The following KNTC1 variants were observed in gnomAD, a reference collection of about 807,000 sequenced individuals.
KNTC1 encodes the protein kinetochore-associated protein 1.
A neutral mutation model predicts 314.4 loss-of-function variants in KNTC1; 253 were observed. That is an observed-to-expected ratio of 0.80 (90% CI 0.73 to 0.89). KNTC1 has a LOEUF of 0.89. KNTC1 is among the 40% of genes least tolerant of loss of function. KNTC1 has a pLI of 0.00. For synonymous variants in KNTC1, 901 were observed against 901.4 expected (o/e 1.00, Z 0.01); for missense variants, 2,475 against 2,572.9 (o/e 0.96, Z 0.82).
Position 122,577,746 on chromosome 12 carries a change from A to G in KNTC1, c.2796A>G (p.Ile932Met), listed in dbSNP as rs927234865. The G allele has an allele frequency of 2.5e-6, 4 of 1,613,718 alleles. No homozygotes were observed. Among genetic ancestry groups the G allele is most frequent in the Middle Eastern group, 3.3e-4 (2 of 6,082 alleles). Residue 932 changes from isoleucine (I) to methionine (M), a missense_variant, in exon 31 of 64, where the codon ATA becomes ATG. Coordinates refer to ENST00000333479, the MANE Select transcript of KNTC1 (RefSeq NM_014708.6). ...AGAAAACTGCAGAAAGAGTCATCAT[A>G]TGGGCACGACTGGCATTACAAGAAG... ...EAEKTAERVI[I>M]WARLALQEEP...
At chr12:122,594,159 G>A (rs972998031) in intron 42 of KNTC1, 117 bp from the exon 43 acceptor site, 1 of 642,080 alleles carries the variant, frequency 1.6e-6, no homozygotes, top group African/African-American at 1.8e-5. Context: ...AGGAGCTATA[G>A]ACAAATGTTT....
chr12:122,607,025 G>A (rs1872650674), intron 51 of KNTC1, among the ~76,000 whole-genome samples: 1 of 152,162 alleles, frequency 6.6e-6, no homozygotes, highest in African/African-American at 2.4e-5. Context: ...CCAGGATCTT[G>A]TCTAGGACTA....
chr12:122,616,133 CTTTG>C lies in KNTC1; in HGVS notation c.6030+612_6030+615del, dbSNP rs201746094. 8.2e-3 allele frequency among the ~76,000 whole-genome samples: 1,255 copies of C among 152,146 alleles called. 20 individuals are homozygous for C. The highest frequency in any genetic ancestry group is 0.028 in the African/African-American group (1,177 of 41,502). On this transcript the variant is annotated intron_variant, in intron 57 of 63. Transcript: ENST00000333479. ...ATTACGCAGAAATATATAATTTATT[CTTTG>C]TTTGATAAATTAGAACAATATAGAA...
intron 16 of KNTC1, among the ~76,000 whole-genome samples, chr12:122,553,420 T>A (rs1270058365): frequency 6.6e-6 from 1 of 152,088 alleles, no homozygotes; most frequent in Admixed American, 6.6e-5. Flanking sequence ...CTCGGGAGGC[T>A]GAGGGAGGAA....
intron 38 of KNTC1, 133 bp from the exon 39 acceptor site, chr12:122,587,578 T>G: frequency 1.0e-5 from 6 of 596,792 alleles, no homozygotes; most frequent in Non-Finnish European, 1.3e-5. Context: ...AACTTCTCAT[T>G]AACTAACTGA....
At chr12:122,588,924 T>C (rs1869761902) in intron 40 of KNTC1, 108 bp downstream of exon 40, 1 of 590,672 alleles carries the variant, frequency 1.7e-6, no homozygotes, top group Admixed American at 3.9e-5. Context: ...AGTATTTTAC[T>C]ATTCAAAAAC....
intron 63 of KNTC1, among the ~76,000 whole-genome samples, chr12:122,625,437 G>C (rs1321818570): frequency 6.6e-6 from 1 of 151,516 alleles, no homozygotes; most frequent in African/African-American, 2.4e-5. Context: ...CATGGTGGTG[G>C]GAGCCTGTAA....
intron 33 of KNTC1, 110 bp from the exon 34 acceptor site, chr12:122,582,595 T>C (rs1475339374): frequency 9.7e-7 from 1 of 1,028,632 alleles, no homozygotes; most frequent in African/African-American, 1.6e-5. Context: ...CATGTACCCC[T>C]GAATCTAAAA....
At chr12:122,529,399 A>G (rs140878130) in intron 1 of KNTC1, among the ~76,000 whole-genome samples, 2 of 152,004 alleles carry the variant, frequency 1.3e-5, no homozygotes, top group East Asian at 1.9e-4. Context: ...TCCCACCCAG[A>G]CTCCAGGTAA....
rs773362150 is a variant in KNTC1, at chr12:122,597,770, C to T, written c.4395C>T (p.Phe1465=). 1.9e-6 allele frequency: 3 copies of T among 1,613,966 alleles called. No homozygotes were observed. The highest frequency in any genetic ancestry group is 2.5e-6 in the Non-Finnish European group (3 of 1,179,856). ...ACTGCGATGCAGTTCTTCAGCTCTT[C>T]ATTGAAACGCTGCTCCACAACACAA... ...QLDCDAVLQL[F]IETLLHNTNA... Residue 1465 remains phenylalanine, a synonymous_variant, in exon 44 of 64, where the codon TTC becomes TTT. Coordinates refer to ENST00000333479, the MANE Select transcript of KNTC1 (RefSeq NM_014708.6).
intron 13 of KNTC1, among the ~76,000 whole-genome samples, 171 bp from the exon 14 acceptor site, chr12:122,551,148 G>T (rs59713199): frequency 0.036 from 5,373 of 148,856 alleles, 343 homozygotes; most frequent in African/African-American, 0.13. Context: ...TTTTCCCAGT[G>T]TTTTTTTTTT....
chr12:122,563,986 T>C (rs895530518), intron 20 of KNTC1, among the ~76,000 whole-genome samples: 2 of 152,208 alleles, frequency 1.3e-5, no homozygotes, highest in Non-Finnish European at 2.9e-5. Flanking sequence ...ATGTTTTTTA[T>C]ATATTTTTTG....
chr12:122,596,079 C>CTTTTTTTTTTT (rs1200717202), intron 43 of KNTC1, among the ~76,000 whole-genome samples: 1 of 111,422 alleles, frequency 9.0e-6, no homozygotes, highest in African/African-American at 3.5e-5. Context: ...TAACCAGATT[C>CTTTTTTTTTTT]TTTTTTTTTT....
intron 60 of KNTC1, among the ~76,000 whole-genome samples, chr12:122,621,476 G>A (rs1288674610): frequency 1.3e-5 from 2 of 151,952 alleles, no homozygotes; most frequent in Non-Finnish European, 2.9e-5. Flanking sequence ...CTGACGTTAC[G>A]GGCTCCTGCC....
In KNTC1 at chr12:122,605,253, A is replaced by G. The variant is rs1376681623; in HGVS notation, c.5387-53A>G. 3 of 1,217,738 alleles carry G rather than the reference A, an allele frequency of 2.5e-6. No homozygotes were observed. In the African/African-American group the frequency reaches 4.6e-5, roughly 19 times the overall value. The allele number at this position is 1,217,738 out of a possible 1,614,324, so 75.4% of individuals were successfully genotyped here. On this transcript the variant is annotated intron_variant, in intron 50 of 63. Coordinates refer to ENST00000333479, the MANE Select transcript of KNTC1 (RefSeq NM_014708.6). Reference sequence around the variant, plus strand: ...TATACACATACACATATAAGTATTCAATATAAATATTTAAAACTTGAGTTT... The same window carrying G: ...TATACACATACACATATAAGTATTCGATATAAATATTTAAAACTTGAGTTT...
In KNTC1 at chr12:122,546,625, C is replaced by G. The variant is rs1209818822; in HGVS notation, c.767C>G (p.Ala256Gly). The G allele has an allele frequency of 7.0e-6, 11 of 1,577,002 alleles. No individual in the cohort carries two copies. Among genetic ancestry groups the G allele is most frequent in the Non-Finnish European group, 9.5e-6 (11 of 1,154,298 alleles). Residue 256 changes from alanine to glycine, a missense_variant, in exon 10 of 64, where the codon GCA (alanine) becomes GGA (glycine). By Grantham distance (60) the Ala-to-Gly change is moderately conservative. Coordinates refer to ENST00000333479, the MANE Select transcript of KNTC1 (RefSeq NM_014708.6). ...NLIDAEIIKG[A>G]KKFQLIDNLL... is the part of the protein sequence containing the mutation. ...CATCTTATTTTCTCTTTTGTAGGTGCAAAGAAGTTCCAGCTGATAGACAAT... is the reference window on the plus strand; with the variant it reads ...CATCTTATTTTCTCTTTTGTAGGTGGAAAGAAGTTCCAGCTGATAGACAAT...
At chr12:122,574,223 G>A in intron 26 of KNTC1, 59 bp from the exon 27 acceptor site, 1 of 948,108 alleles carries the variant, frequency 1.1e-6, no homozygotes, top group East Asian at 2.6e-5. Flanking sequence ...GCTGTATGTG[G>A]CATTTTTTTA....
At chr12:122,546,555 A>T in intron 9 of KNTC1, 67 bp from the exon 10 acceptor site, 1 of 1,014,444 alleles carries the variant, frequency 9.9e-7, no homozygotes, top group Non-Finnish European at 1.5e-6. Flanking sequence ...TGAATATGTT[A>T]GTTTTTTATT....
chr12:122,539,739 G>C lies in KNTC1; in HGVS notation c.430G>C (p.Asp144His). The C allele has an allele frequency of 1.3e-6, 2 of 1,566,048 alleles. No homozygotes were observed. The highest frequency in any genetic ancestry group is 1.7e-6 in the Non-Finnish European group (2 of 1,155,470). The change falls in exon 5 of 64, where the codon GAT (aspartate) becomes CAT (histidine). Residue 144 changes from aspartate to histidine, a missense_variant. By Grantham distance (81) the Asp-to-His change is moderately conservative. Coordinates refer to ENST00000333479, the MANE Select transcript of KNTC1 (RefSeq NM_014708.6). ...TTACCAGAATCTTGTCATTGAGAAG[G>C]ATGGTTCAAATGAAGGTAAGTTTTC... ...RTYQNLVIEK[D>H]GSNEGTYYML...
Sources: allele counts gnomAD v4.1 joint callset (sites outside exome capture counted in the v4.1 genomes callset), GRCh38; gene constraint gnomAD v4.1.1; transcripts MANE v1.5; gene names NCBI Gene and HGNC (gene_info 2026-07-23, HGNC 2026-07-21).